The following GRM7 variants were observed in gnomAD, a reference collection of about 807,000 sequenced individuals.
GRM7 encodes metabotropic glutamate receptor 7.
Under a neutral mutation model 84.5 loss-of-function variants are expected in GRM7, and 35 were observed. The ratio of observed to expected loss-of-function variants is 0.41; its 90% confidence interval spans 0.32 to 0.55. The LOEUF (loss-of-function observed/expected upper bound fraction) is 0.55. GRM7 is among the 20% of genes least tolerant of loss of function. GRM7 has a pLI of 0.19. For missense variants in GRM7, 1,003 were observed against 1,194.6 expected, an observed-to-expected ratio of 0.84 and a Z score of 2.36; for synonymous variants, 487 against 455.1, an observed-to-expected ratio of 1.07 and a Z score of -0.89.
rs1319197293 is a variant in GRM7 at position 7,470,461 on chromosome 3, C to T, written c.1515+8739C>T. Among the ~76,000 whole-genome samples the T allele has an allele frequency of 3.3e-5, 5 of 152,092 alleles. No individual in the cohort carries two copies. In the South Asian group the frequency reaches 8.3e-4, roughly 25 times the overall value. ...GGAAATTAAAGAAACAGAGATTTTCCTTTTGTCAGCATCTCTCCTAGGAAT... is the reference window on the plus strand; with the variant it reads ...GGAAATTAAAGAAACAGAGATTTTCTTTTTGTCAGCATCTCTCCTAGGAAT... On this transcript the variant is annotated intron_variant, in intron 7 of 9. Coordinates refer to ENST00000357716, the MANE Select transcript of GRM7 (RefSeq NM_000844.4).
intron 2 of GRM7, among the ~76,000 whole-genome samples, chr3:7,194,387 A>G (rs1219872482): frequency 6.6e-6 from 1 of 152,216 alleles, no homozygotes; most frequent in African/African-American, 2.4e-5. Context: ...TGTTTGACAT[A>G]CAGGGGTCAT....
intron 8 of GRM7, among the ~76,000 whole-genome samples, chr3:7,599,523 AG>A (rs1696214039): frequency 6.6e-6 from 1 of 152,146 alleles, no homozygotes; most frequent in Admixed American, 6.6e-5. Flanking sequence ...TTTCAGAAGT[AG>A]GTGTTTGTCT....
chr3:7,736,648 A>G (rs1158485829), intron 9 of GRM7, among the ~76,000 whole-genome samples: 3 of 152,122 alleles, frequency 2.0e-5, no homozygotes, highest in Non-Finnish European at 4.4e-5. Context: ...AGTAGATACT[A>G]TGGGGGGATG....
intron 2 of GRM7, among the ~76,000 whole-genome samples, chr3:7,194,107 G>GA (rs893418850): frequency 6.6e-6 from 1 of 151,672 alleles, no homozygotes; most frequent in African/African-American, 2.4e-5. Context: ...CCATTAATTA[G>GA]AAAAAAAATA....
rs536256233 is a variant in GRM7 at position 7,384,751 on chromosome 3, G to T, written c.1034-30272G>T. On this transcript the variant is annotated intron_variant, in intron 4 of 9. Transcript: ENST00000357716. ...GTGGCTATCAAGTCGAATACAGCAGGTGTACACACAGTCACAAATCAGTTT... is the reference window on the plus strand; with the variant it reads ...GTGGCTATCAAGTCGAATACAGCAGTTGTACACACAGTCACAAATCAGTTT... Among the ~76,000 whole-genome samples the T allele has an allele frequency of 2.2e-4, 34 of 152,224 alleles. No homozygotes were observed. The South Asian group carries it at 7.0e-3, about 32-fold the overall frequency.
At chr3:7,670,913 G>C (rs895616404) in intron 8 of GRM7, among the ~76,000 whole-genome samples, 1 of 152,172 alleles carries the variant, frequency 6.6e-6, no homozygotes, top group Non-Finnish European at 1.5e-5. Context: ...CATGGATTCT[G>C]GCAGGAGTCG....
intron 7 of GRM7, among the ~76,000 whole-genome samples, chr3:7,469,830 A>G (rs1698623741): frequency 6.6e-6 from 1 of 152,224 alleles, no homozygotes; most frequent in Non-Finnish European, 1.5e-5. Flanking sequence ...TTTGATTTGT[A>G]AATCAAAATT....
intron 7 of GRM7, among the ~76,000 whole-genome samples, chr3:7,549,442 T>C (rs1172708361): frequency 1.3e-5 from 2 of 152,178 alleles, no homozygotes; most frequent in Non-Finnish European, 2.9e-5. Flanking sequence ...TATTTTTGTG[T>C]TTTCTGTCAG....
intron 8 of GRM7, among the ~76,000 whole-genome samples, chr3:7,630,916 C>T (rs910153030): frequency 6.6e-6 from 1 of 152,256 alleles, no homozygotes; most frequent in East Asian, 1.9e-4. Context: ...CCAGTGAATA[C>T]AGGATGAATT....
chr3:7,368,068 T>C (rs978178855), intron 4 of GRM7, among the ~76,000 whole-genome samples: 21 of 151,968 alleles, frequency 1.4e-4, no homozygotes, highest in African/African-American at 5.1e-4. Context: ...AATGTCTATT[T>C]AGAGGACATA....
chr3:7,554,489 A>G (rs1337813118), intron 7 of GRM7, among the ~76,000 whole-genome samples: 1 of 152,238 alleles, frequency 6.6e-6, no homozygotes, highest in African/African-American at 2.4e-5. Context: ...GTAATGTACA[A>G]TAAAGTACAA....
chr3:7,125,261 C>T lies in GRM7; in HGVS notation c.520-21191C>T, dbSNP rs572471150. Among the ~76,000 whole-genome samples the T allele has an allele frequency of 2.0e-5, 3 of 152,220 alleles. No individual in the cohort carries two copies. The East Asian group carries it at 5.8e-4, about 29-fold the overall frequency. ...GCCTAATAGTTTTTTATTAGCTGCA[C>T]AGGGAGGCTAATCCCAGTCACTCAA... On this transcript the variant is annotated intron_variant, in intron 1 of 9. Coordinates refer to ENST00000357716, the MANE Select transcript of GRM7 (RefSeq NM_000844.4).
At chr3:6,931,882 G>A (rs918377643) in intron 1 of GRM7, among the ~76,000 whole-genome samples, 4 of 152,156 alleles carry the variant, frequency 2.6e-5, no homozygotes, top group African/African-American at 7.2e-5. Context: ...ATCAAATAAG[G>A]TTCCTGACTT....
At chr3:7,088,138 G>C (rs1698527949) in intron 1 of GRM7, among the ~76,000 whole-genome samples, 1 of 148,212 alleles carries the variant, frequency 6.7e-6, no homozygotes, top group South Asian at 2.1e-4. Context: ...ATGATCCATA[G>C]GAGTTGTTAA....
At chr3:7,168,818 A>T (rs750388669) in intron 2 of GRM7, among the ~76,000 whole-genome samples, 1 of 152,172 alleles carries the variant, frequency 6.6e-6, no homozygotes, top group Non-Finnish European at 1.5e-5. Context: ...GTAATGGCCA[A>T]CTTCTCTATG....
chr3:7,656,121 T>A (rs943602560), intron 8 of GRM7, among the ~76,000 whole-genome samples: 24 of 152,232 alleles, frequency 1.6e-4, no homozygotes, highest in African/African-American at 5.8e-4. Context: ...AGTGCATGGG[T>A]ATGTATCTTT....
intron 2 of GRM7, among the ~76,000 whole-genome samples, chr3:7,257,229 G>C (rs1468809543): frequency 6.6e-6 from 1 of 152,188 alleles, no homozygotes; most frequent in Non-Finnish European, 1.5e-5. Flanking sequence ...CTGCTAACAG[G>C]TGTGTGTTCC....
intron 2 of GRM7, among the ~76,000 whole-genome samples, chr3:7,243,425 C>A (rs950398079): frequency 6.6e-6 from 1 of 152,076 alleles, no homozygotes; most frequent in Non-Finnish European, 1.5e-5. Flanking sequence ...AGATGACAAT[C>A]TCCTGGTGGC....
intron 2 of GRM7, among the ~76,000 whole-genome samples, chr3:7,212,314 C>T (rs1221948323): frequency 6.6e-6 from 1 of 151,924 alleles, no homozygotes; most frequent in Admixed American, 6.6e-5. Context: ...TCTTCTCTCA[C>T]TCTCATTTAT....
Sources: allele counts gnomAD v4.1 joint callset (sites outside exome capture counted in the v4.1 genomes callset), GRCh38; gene constraint gnomAD v4.1.1; transcripts MANE v1.5; gene names NCBI Gene and HGNC (gene_info 2026-07-23, HGNC 2026-07-21).